FOXP1: variants seen among roughly 807,000 people sequenced by gnomAD.
FOXP1 encodes the protein forkhead box P1.
In FOXP1, 15 loss-of-function variants were observed where a neutral mutation model predicts 98.2. That is an observed-to-expected ratio of 0.15 (90% CI 0.10 to 0.24). FOXP1 has a LOEUF of 0.24. FOXP1 is among the 10% of genes least tolerant of loss of function. FOXP1 has a pLI of 1.00. For missense variants in FOXP1, 633 were observed against 848.5 expected (o/e 0.75, Z 3.15); for synonymous variants, 371 against 314.5 (o/e 1.18, Z -1.90).
intron 3 of FOXP1, among the ~76,000 whole-genome samples, chr3:71,449,806 C>G (rs1317243240): frequency 1.3e-5 from 2 of 152,178 alleles, no homozygotes; most frequent in Non-Finnish European, 2.9e-5. Context: ...ATAAATGAAT[C>G]ATTGTTTCAT....
At chr3:71,345,067 G>A (rs2077241649) in intron 4 of FOXP1, among the ~76,000 whole-genome samples, 1 of 151,902 alleles carries the variant, frequency 6.6e-6, no homozygotes, top group Non-Finnish European at 1.5e-5. Flanking sequence ...GGGGATACAG[G>A]GAAGCAACTT....
intron 4 of FOXP1, among the ~76,000 whole-genome samples, chr3:71,314,214 C>G (rs1390068332): frequency 6.6e-6 from 1 of 152,180 alleles, no homozygotes; most frequent in African/African-American, 2.4e-5. Flanking sequence ...CACCTCATTT[C>G]TACCATCTCT....
At chr3:71,191,471 C>T (rs947903893) in intron 6 of FOXP1, among the ~76,000 whole-genome samples, 28 of 152,180 alleles carry the variant, frequency 1.8e-4, no homozygotes. Flanking sequence ...AAATGTGGCA[C>T]CTGGCTTTCT....
intron 3 of FOXP1, among the ~76,000 whole-genome samples, chr3:71,451,468 T>A (rs2086947787): frequency 6.6e-6 from 1 of 152,052 alleles, no homozygotes; most frequent in Non-Finnish European, 1.5e-5. Context: ...GATAAAGAGA[T>A]CTGGAATAAA....
chr3:71,037,840 C>T (rs1387895890), intron 11 of FOXP1, among the ~76,000 whole-genome samples: 1 of 152,192 alleles, frequency 6.6e-6, no homozygotes, highest in Non-Finnish European at 1.5e-5. Flanking sequence ...CCGCTCCTCC[C>T]GTAATAGTGC....
chr3:71,518,753 T>G (rs530223830), intron 2 of FOXP1, among the ~76,000 whole-genome samples: 27 of 152,354 alleles, frequency 1.8e-4, no homozygotes, highest in Admixed American at 2.0e-4. Flanking sequence ...AACATTTGTA[T>G]GTTTATTTGT....
chr3:70,986,072 T>C (rs573901340), intron 14 of FOXP1, among the ~76,000 whole-genome samples: 1 of 152,232 alleles, frequency 6.6e-6, no homozygotes, highest in African/African-American at 2.4e-5. Context: ...ATAAATTTAG[T>C]AGGAGGTCCC....
chr3:71,235,524 T>C (rs1360427343), intron 5 of FOXP1, among the ~76,000 whole-genome samples: 3 of 152,170 alleles, frequency 2.0e-5, no homozygotes, highest in Admixed American at 6.5e-5. Context: ...AAGGCAGGGA[T>C]AAAATCAGTA....
intron 3 of FOXP1, among the ~76,000 whole-genome samples, chr3:71,383,085 C>T (rs983200644): frequency 6.6e-6 from 1 of 152,174 alleles, no homozygotes; most frequent in African/African-American, 2.4e-5. Flanking sequence ...AAAGATAACA[C>T]CATCAGGAAA....
intron 7 of FOXP1, among the ~76,000 whole-genome samples, chr3:71,060,611 G>A (rs527715920): frequency 6.6e-6 from 1 of 152,192 alleles, no homozygotes; most frequent in African/African-American, 2.4e-5. Flanking sequence ...CAGGTTAGAT[G>A]AAAAAAATCA....
At chr3:71,560,051 G>A (rs2046421018) in intron 2 of FOXP1, among the ~76,000 whole-genome samples, 1 of 152,134 alleles carries the variant, frequency 6.6e-6, no homozygotes, top group Admixed American at 6.5e-5. Flanking sequence ...AGCAAGACAA[G>A]AGATGGAAAG....
At chr3:71,494,694 C>T (rs550695543) in intron 2 of FOXP1, among the ~76,000 whole-genome samples, 47 of 152,268 alleles carry the variant, frequency 3.1e-4, no homozygotes, top group African/African-American at 1.1e-3. Context: ...ATACAGATTC[C>T]TGGGACCCAT....
chr3:71,358,027 T>C lies in FOXP1; in HGVS notation c.-73+1123A>G, dbSNP rs1036521686. 6.8e-4 allele frequency among the ~76,000 whole-genome samples: 104 copies of C among 152,310 alleles called. 1 individual carries two copies. Among genetic ancestry groups the C allele is most frequent in the African/African-American group, 2.4e-3 (100 of 41,580 alleles). Reference sequence around the variant, plus strand: ...ATTCCCAAAGCTGTTTGTTTAAGTATGACTTGCCTTCTTAATTAGTATTGC... The same window carrying C: ...ATTCCCAAAGCTGTTTGTTTAAGTACGACTTGCCTTCTTAATTAGTATTGC... On this transcript the variant is annotated intron_variant, in intron 4 of 20. Transcript: ENST00000649528.
intron 2 of FOXP1, among the ~76,000 whole-genome samples, chr3:71,513,843 C>G (rs1466578892): frequency 6.6e-6 from 1 of 152,196 alleles, no homozygotes; most frequent in African/African-American, 2.4e-5. Context: ...GCTGAAATGA[C>G]CTGCCACAAC....
At chr3:71,335,132 A>G (rs2076589325) in intron 4 of FOXP1, 1 of 152,070 alleles carries the variant, frequency 6.6e-6, no homozygotes, top group Non-Finnish European at 1.5e-5. Flanking sequence ...AAAATTAAAA[A>G]TCATTAGCCA....
At position 70,957,371 on chromosome 3, in the gene FOXP1, T is replaced by C. The variant is rs933965160; in HGVS notation, c.*1876A>G. 4.4e-6 allele frequency: 1 copy of C among 229,462 alleles called. No individual in the cohort carries two copies. Among genetic ancestry groups the C allele is most frequent in the African/African-American group, 2.2e-5 (1 of 45,136 alleles). 14.2% of individuals were successfully genotyped at this position (229,462 alleles called of 1,614,324 possible). A position where few individuals can be genotyped will look rare whatever the true frequency, so the allele number is the denominator to read the frequency against. On this transcript the variant is annotated 3_prime_UTR_variant, in exon 21 of 21. Transcript: ENST00000649528. ...TCTAAATTTACGATGAAGGAGCAGT[T>C]CTCTTTCTCAGGTTGCAATAGCCTA... is the stretch of plus-strand genomic sequence containing the variant.
At chr3:71,208,861 G>A (rs2064246631) in intron 5 of FOXP1, among the ~76,000 whole-genome samples, 1 of 152,124 alleles carries the variant, frequency 6.6e-6, no homozygotes, top group South Asian at 2.1e-4. Flanking sequence ...TGGGAAGAAG[G>A]CAAGATAAAC....
intron 3 of FOXP1, among the ~76,000 whole-genome samples, chr3:71,450,784 T>C (rs1354626504): frequency 1.5e-5 from 2 of 133,444 alleles, no homozygotes; most frequent in Middle Eastern, 3.9e-3. Flanking sequence ...TATGGAATAT[T>C]CTTTTTTTTT....
intron 5 of FOXP1, among the ~76,000 whole-genome samples, chr3:71,283,120 C>G (rs1181233088): frequency 6.6e-6 from 1 of 152,180 alleles, no homozygotes; most frequent in African/African-American, 2.4e-5. Flanking sequence ...GCAGGGAAAT[C>G]CCAGAAAGGG....
Sources: gnomAD v4.1 joint callset for allele counts (sites outside exome capture counted in the v4.1 genomes callset) on GRCh38, gnomAD v4.1.1 for gene constraint, MANE v1.5 for transcripts, NCBI Gene and HGNC (gene_info 2026-07-23, HGNC 2026-07-21) for gene names.